The following NEGR1 variants were observed in gnomAD, a reference collection of about 807,000 sequenced individuals.
NEGR1 encodes neuronal growth regulator 1, also known as IgLON family member 4.
In NEGR1, 10 loss-of-function variants were observed where a neutral mutation model predicts 40.9. The ratio of observed to expected loss-of-function variants is 0.24; its 90% CI spans 0.15 to 0.42. The LOEUF is 0.42. Ranked by LOEUF, NEGR1 falls within the 10% of genes least tolerant of loss-of-function variation. The probability of loss-of-function intolerance (pLI) is 1.00; values close to 1 mark genes in which losing one functional copy is unlikely to be tolerated. For synonymous variants in NEGR1, 185 were observed against 166.8 expected (o/e 1.11, Z -0.84); for missense variants, 352 against 438.9 (o/e 0.80, Z 1.77).
intron 4 of NEGR1, among the ~76,000 whole-genome samples, chr1:71,653,836 C>G (rs1473852868): frequency 6.6e-6 from 1 of 151,970 alleles, no homozygotes; most frequent in Non-Finnish European, 1.5e-5. Context: ...ACCTGGAAGT[C>G]TAAGATCTTT....
At chr1:71,876,063 G>T (rs1288635556) in intron 2 of NEGR1, among the ~76,000 whole-genome samples, 1 of 152,034 alleles carries the variant, frequency 6.6e-6, no homozygotes, top group Non-Finnish European at 1.5e-5. Flanking sequence ...TACTATCTAT[G>T]GTTGTCAATT....
In NEGR1 at chr1:71,903,701, ATC is replaced by A. The variant is rs570797686; in HGVS notation, c.409+31376_409+31377del. On this transcript the variant is annotated intron_variant, in intron 2 of 6. Transcript: ENST00000357731. Reference sequence around the variant, plus strand: ...TCATACATATACATATGTCTGTTGCATCTCTCTCTCCATATATATGTATATAT... The same window carrying A: ...TCATACATATACATATGTCTGTTGCATCTCTCTCCATATATATGTATATAT... 3.1e-3 allele frequency among the ~76,000 whole-genome samples: 463 copies of A among 151,750 alleles called. 4 individuals carry two copies. Among genetic ancestry groups the A allele is most frequent in the African/African-American group, 0.011 (440 of 41,452 alleles).
chr1:71,685,279 T>C (rs1470831749), intron 4 of NEGR1, among the ~76,000 whole-genome samples: 1 of 152,138 alleles, frequency 6.6e-6, no homozygotes, highest in Non-Finnish European at 1.5e-5. Context: ...AGTGATATTA[T>C]TCATGTTTCC....
At chr1:72,266,615 G>A (rs894143824) in intron 1 of NEGR1, among the ~76,000 whole-genome samples, 2 of 150,046 alleles carry the variant, frequency 1.3e-5, no homozygotes, top group South Asian at 4.2e-4. Flanking sequence ...TTAAATGCAA[G>A]GTAAATAAAT....
At chr1:71,661,501 T>C (rs1652053737) in intron 4 of NEGR1, among the ~76,000 whole-genome samples, 1 of 152,232 alleles carries the variant, frequency 6.6e-6, no homozygotes, top group Admixed American at 6.5e-5. Context: ...ATCTAAAGGA[T>C]GGACAAGTGA....
intron 4 of NEGR1, among the ~76,000 whole-genome samples, chr1:71,627,861 T>C (rs1222363897): frequency 6.6e-6 from 1 of 152,044 alleles, no homozygotes; most frequent in Non-Finnish European, 1.5e-5. Context: ...TAAAATGAAT[T>C]GTGGATTCCA....
At chr1:72,202,174 A>G (rs187888581) in intron 1 of NEGR1, among the ~76,000 whole-genome samples, 289 of 152,076 alleles carry the variant, frequency 1.9e-3, no homozygotes, top group African/African-American at 5.7e-3. Flanking sequence ...CTAGAGAATC[A>G]TGAACCATGC....
At chr1:72,131,300 TAAGTC>T (rs1447161961) in intron 1 of NEGR1, among the ~76,000 whole-genome samples, 2 of 152,094 alleles carry the variant, frequency 1.3e-5, no homozygotes, top group Admixed American at 1.3e-4. Context: ...ATTTTAGAAA[TAAGTC>T]AAGAAAAAAT....
intron 1 of NEGR1, among the ~76,000 whole-genome samples, chr1:72,229,772 A>G (rs1444745775): frequency 6.6e-6 from 1 of 152,042 alleles, no homozygotes; most frequent in Admixed American, 6.6e-5. Context: ...CTCTGATTTC[A>G]AAGGTGTTCT....
chr1:72,055,692 G>A (rs1412042457), intron 1 of NEGR1, among the ~76,000 whole-genome samples: 1 of 150,162 alleles, frequency 6.7e-6, no homozygotes, highest in Non-Finnish European at 1.5e-5. Flanking sequence ...AAAATGAAGA[G>A]CAATTCAGAT....
chr1:71,430,654 T>C (rs1388951190), intron 6 of NEGR1, among the ~76,000 whole-genome samples: 2 of 151,324 alleles, frequency 1.3e-5, no homozygotes, highest in Non-Finnish European at 2.9e-5. Flanking sequence ...TATAGCTTTT[T>C]TTTAAAAAAA....
At chr1:72,165,308 G>A (rs1651726713) in intron 1 of NEGR1, among the ~76,000 whole-genome samples, 1 of 151,970 alleles carries the variant, frequency 6.6e-6, no homozygotes, top group Non-Finnish European at 1.5e-5. Context: ...TTAGTAAGAA[G>A]CAAAATAGTT....
At chr1:71,966,479 A>T (rs976313718) in intron 1 of NEGR1, among the ~76,000 whole-genome samples, 9 of 152,168 alleles carry the variant, frequency 5.9e-5, no homozygotes, top group African/African-American at 2.2e-4. Flanking sequence ...TATTTGAGTT[A>T]CACGCTGTTT....
intron 1 of NEGR1, among the ~76,000 whole-genome samples, chr1:72,157,752 T>C (rs1164301377): frequency 1.3e-5 from 2 of 152,322 alleles, no homozygotes; most frequent in African/African-American, 4.8e-5. Flanking sequence ...CACTTCATCA[T>C]GTGAGGACTG....
At chr1:72,089,104 G>A (rs1052329790) in intron 1 of NEGR1, among the ~76,000 whole-genome samples, 1 of 152,054 alleles carries the variant, frequency 6.6e-6, no homozygotes, top group African/African-American at 2.4e-5. Flanking sequence ...GCAGAGGTGG[G>A]GTACAGATTC....
intron 2 of NEGR1, among the ~76,000 whole-genome samples, chr1:71,869,110 T>C (rs903998158): frequency 5.9e-5 from 9 of 152,198 alleles, no homozygotes; most frequent in African/African-American, 1.7e-4. Context: ...TTATTTTCTG[T>C]GAAGGCAGAA....
chr1:72,174,012 T>G (rs1277744211), intron 1 of NEGR1, among the ~76,000 whole-genome samples: 2 of 152,270 alleles, frequency 1.3e-5, no homozygotes, highest in South Asian at 2.1e-4. Context: ...ATGCTTATAA[T>G]AATCAAACTA....
intron 1 of NEGR1, among the ~76,000 whole-genome samples, chr1:71,955,587 C>T (rs1277525640): frequency 1.3e-5 from 2 of 152,132 alleles, no homozygotes; most frequent in East Asian, 3.8e-4. Context: ...TTGCATCAGC[C>T]ATTTGTGATT....
chr1:71,531,054 A>G (rs1647343037), intron 6 of NEGR1, among the ~76,000 whole-genome samples: 1 of 151,056 alleles, frequency 6.6e-6, no homozygotes, highest in Non-Finnish European at 1.5e-5. Context: ...ACCCCATTTT[A>G]CAAATGGAAA....
Sources: gnomAD v4.1 joint callset for allele counts (sites outside exome capture counted in the v4.1 genomes callset) on GRCh38, gnomAD v4.1.1 for gene constraint, MANE v1.5 for transcripts, NCBI Gene and HGNC (gene_info 2026-07-23, HGNC 2026-07-21) for gene names.